KCND2: variants seen among roughly 807,000 people sequenced by gnomAD.
KCND2 encodes A-type voltage-gated potassium channel KCND2.
In KCND2, 16 loss-of-function variants were observed where a neutral mutation model predicts 54.4. The ratio of observed to expected loss-of-function variants is 0.29; its 90% CI spans 0.20 to 0.45. The LOEUF is 0.45. Among genes scored for constraint, KCND2 ranks in the 20% least tolerant of loss-of-function variants. The probability of loss-of-function intolerance (pLI) is 1.00; values close to 1 mark genes in which losing one functional copy is unlikely to be tolerated. For synonymous variants in KCND2, 317 were observed against 310.7 expected (o/e 1.02, Z -0.21); for missense variants, 486 against 824.2 (o/e 0.59, Z 5.02).
At chr7:120,304,210 A>G (rs1251661287) in intron 1 of KCND2, among the ~76,000 whole-genome samples, 1 of 152,190 alleles carries the variant, frequency 6.6e-6, no homozygotes, top group Non-Finnish European at 1.5e-5. Flanking sequence ...TATGTGAAGA[A>G]GTAGAGAGCA....
chr7:120,675,697 G>A (rs184507009), intron 1 of KCND2, among the ~76,000 whole-genome samples: 2 of 152,230 alleles, frequency 1.3e-5, no homozygotes, highest in East Asian at 3.9e-4. Context: ...AACTGGAGAT[G>A]TCAAGAATAG....
Position 120,426,650 on chromosome 7 carries a change from C to T in KCND2, c.1115+150903C>T, listed in dbSNP as rs575013817. On this transcript the variant is annotated intron_variant, in intron 1 of 5. Transcript: ENST00000331113. ...TGTCGCCCAGGCTGGAGTGCAGTGG[C>T]GCAATCTGTCGCCCAGGCTGGAGTG... is the stretch of plus-strand genomic sequence containing the variant. Among the ~76,000 whole-genome samples, 20 of 83,058 alleles carry T rather than the reference C, an allele frequency of 2.4e-4. 1 individual carries two copies. The highest frequency in any genetic ancestry group is 2.1e-3 in the East Asian group (2 of 956). The allele number at this position is 83,058 out of a possible 152,430, so 54.5% of individuals were successfully genotyped here. A position where few individuals can be genotyped will look rare whatever the true frequency, so the allele number is the denominator to read the frequency against.
intron 1 of KCND2, among the ~76,000 whole-genome samples, chr7:120,320,848 A>G (rs1258076167): frequency 6.6e-6 from 1 of 152,150 alleles, no homozygotes; most frequent in Admixed American, 6.6e-5. Flanking sequence ...ACAAAAATGC[A>G]GGAAGAGCAA....
intron 1 of KCND2, among the ~76,000 whole-genome samples, chr7:120,304,648 C>A (rs1014790693): frequency 2.0e-5 from 3 of 152,088 alleles, no homozygotes; most frequent in Non-Finnish European, 2.9e-5. Context: ...ATTAGCAACT[C>A]TCTCTCTTTC....
intron 1 of KCND2, among the ~76,000 whole-genome samples, chr7:120,703,317 A>T (rs1005712177): frequency 1.3e-5 from 2 of 152,284 alleles, no homozygotes; most frequent in Middle Eastern, 6.8e-3. Flanking sequence ...GTGCTCTTCC[A>T]TCTTGCTACT....
At chr7:120,314,611 A>G (rs1229360504) in intron 1 of KCND2, among the ~76,000 whole-genome samples, 1 of 152,192 alleles carries the variant, frequency 6.6e-6, no homozygotes, top group Non-Finnish European at 1.5e-5. Flanking sequence ...CTGGTCATTC[A>G]TACAGCTAAT....
At chr7:120,549,052 T>C (rs1379134779) in intron 1 of KCND2, among the ~76,000 whole-genome samples, 3 of 152,104 alleles carry the variant, frequency 2.0e-5, no homozygotes, top group Non-Finnish European at 2.9e-5. Flanking sequence ...ATGTAGGAAT[T>C]GAATCTTAAC....
chr7:120,526,444 C>T (rs1468352823), intron 1 of KCND2, among the ~76,000 whole-genome samples: 1 of 152,040 alleles, frequency 6.6e-6, no homozygotes, highest in African/African-American at 2.4e-5. Context: ...CTTATAATGA[C>T]CTACTTAAGG....
intron 1 of KCND2, among the ~76,000 whole-genome samples, chr7:120,640,666 T>A (rs139354543): frequency 0.015 from 2,236 of 152,304 alleles, 29 homozygotes; most frequent in Middle Eastern, 0.065. Context: ...AGTAAGTTTC[T>A]TACTTTAAAA....
intron 1 of KCND2, among the ~76,000 whole-genome samples, chr7:120,409,671 T>C (rs1052308606): frequency 6.6e-6 from 1 of 151,958 alleles, no homozygotes; most frequent in African/African-American, 2.4e-5. Flanking sequence ...TCATGTTTTT[T>C]GGCCATACTT....
intron 2 of KCND2, among the ~76,000 whole-genome samples, chr7:120,735,208 C>A (rs1269786737): frequency 6.6e-6 from 1 of 151,922 alleles, no homozygotes; most frequent in Admixed American, 6.6e-5. Flanking sequence ...AAAAGGCACC[C>A]TCTGGACAGT....
At position 120,551,077 on chromosome 7, in the gene KCND2, A is replaced by C. The variant is rs118087608; in HGVS notation, c.1116-181826A>C. 4.4e-3 allele frequency among the ~76,000 whole-genome samples: 664 copies of C among 152,278 alleles called. 4 individuals are homozygous for C. Among genetic ancestry groups the C allele is most frequent in the Non-Finnish European group, 5.0e-3 (337 of 68,004 alleles). On this transcript the variant is annotated intron_variant, in intron 1 of 5. Coordinates refer to ENST00000331113, the MANE Select transcript of KCND2 (RefSeq NM_012281.3). ...TATAGCCTCATGGCTTTCTTTTTCT[A>C]TTCATTTAGAATTTTAAATAAATGC...
chr7:120,575,184 A>G (rs1001261365), intron 1 of KCND2, among the ~76,000 whole-genome samples: 1 of 152,170 alleles, frequency 6.6e-6, no homozygotes, highest in South Asian at 2.1e-4. Context: ...AGGTTCCACA[A>G]TAGGCCGTCT....
intron 1 of KCND2, among the ~76,000 whole-genome samples, chr7:120,388,051 A>C (rs1177368433): frequency 6.6e-6 from 1 of 152,086 alleles, no homozygotes; most frequent in Non-Finnish European, 1.5e-5. Flanking sequence ...GATAGAATAA[A>C]TTGATCTATT....
At chr7:120,563,680 G>C (rs938746356) in intron 1 of KCND2, among the ~76,000 whole-genome samples, 13 of 152,042 alleles carry the variant, frequency 8.6e-5, no homozygotes, top group Admixed American at 5.9e-4. Context: ...AGGCCAAACT[G>C]AACCCTCACA....
chr7:120,670,915 C>CAA (rs201567194), intron 1 of KCND2, among the ~76,000 whole-genome samples: 42 of 93,368 alleles, frequency 4.5e-4, no homozygotes, highest in East Asian at 3.8e-3. Context: ...GGCTCCGTCT[C>CAA]AAAAAAAAAA....
chr7:120,618,978 A>G (rs1433272319), intron 1 of KCND2, among the ~76,000 whole-genome samples: 1 of 152,154 alleles, frequency 6.6e-6, no homozygotes, highest in East Asian at 1.9e-4. Context: ...CCGGCTATTC[A>G]TATTAGACAT....
intron 1 of KCND2, among the ~76,000 whole-genome samples, chr7:120,277,075 C>A (rs1388618527): frequency 1.3e-5 from 2 of 152,008 alleles, no homozygotes; most frequent in African/African-American, 2.4e-5. Flanking sequence ...TACAGAATTT[C>A]TCATGTCATG....
chr7:120,552,884 T>A (rs140423111), intron 1 of KCND2, among the ~76,000 whole-genome samples: 9 of 152,326 alleles, frequency 5.9e-5, no homozygotes, highest in African/African-American at 2.2e-4. Flanking sequence ...TTTAAAACAT[T>A]TGTAATTTTT....
Sources: gnomAD v4.1 joint callset for allele counts (sites outside exome capture counted in the v4.1 genomes callset) on GRCh38, gnomAD v4.1.1 for gene constraint, MANE v1.5 for transcripts, NCBI Gene and HGNC (gene_info 2026-07-23, HGNC 2026-07-21) for gene names.